Variants in LRP1B observed in about 807,000 individuals in gnomAD.
LRP1B encodes the protein LDL receptor related protein 1B.
Under a neutral mutation model 556.6 loss-of-function variants are expected in LRP1B, and 217 were observed. That is an observed-to-expected ratio of 0.39 (90% CI 0.35 to 0.44). The LOEUF is 0.44. Among genes scored for constraint, LRP1B ranks in the 20% least tolerant of loss-of-function variants. The probability of loss-of-function intolerance (pLI) is 1.00; values close to 1 mark genes in which losing one functional copy is unlikely to be tolerated. For synonymous variants in LRP1B, 2,047 were observed against 1,865.8 expected (o/e 1.10, Z -2.50); for missense variants, 5,053 against 5,620.8 (o/e 0.90, Z 3.23).
chr2:141,490,400 T>TG lies in LRP1B; in HGVS notation c.206-9868_206-9867insC, dbSNP rs66605553. ...GTGTGTGTGTGTGTGTGTGTGTGTGTTTTCTGCTAACTTTAGAATATATCA... is the reference window on the plus strand; with the variant it reads ...GTGTGTGTGTGTGTGTGTGTGTGTGTGTTTCTGCTAACTTTAGAATATATCA... On this transcript the variant is annotated intron_variant, in intron 2 of 90. Coordinates refer to ENST00000389484, the MANE Select transcript of LRP1B (RefSeq NM_018557.3). 2.8e-4 allele frequency among the ~76,000 whole-genome samples: 42 copies of TG among 150,998 alleles called. 1 individual carries two copies. Among genetic ancestry groups the TG allele is most frequent in the South Asian group, 1.7e-3 (8 of 4,786 alleles).
rs539832540 is a variant in LRP1B, at chr2:141,330,473, A to G, written c.344-75832T>C. Among the ~76,000 whole-genome samples, 19 of 152,318 alleles carry G rather than the reference A, an allele frequency of 1.2e-4. No homozygotes were observed. The East Asian group carries it at 2.7e-3, about 22-fold the overall frequency. On this transcript the variant is annotated intron_variant, in intron 3 of 90. Coordinates refer to ENST00000389484, the MANE Select transcript of LRP1B (RefSeq NM_018557.3). The stretch of plus-strand genomic sequence containing the variant: ...AAGGAATTCAACATCAACTTTTAGA[A>G]TAGACATATTGCGTGTTAAAATTTC...
chr2:141,896,947 T>C (rs1699471951), intron 1 of LRP1B, among the ~76,000 whole-genome samples: 1 of 152,158 alleles, frequency 6.6e-6, no homozygotes, highest in Non-Finnish European at 1.5e-5. Flanking sequence ...TTAAATGTCC[T>C]CTATACCCAA....
intron 6 of LRP1B, among the ~76,000 whole-genome samples, chr2:141,211,263 T>C (rs1682532328): frequency 1.3e-5 from 2 of 149,238 alleles, no homozygotes; most frequent in South Asian, 4.3e-4. Flanking sequence ...GCTGGGATTA[T>C]AAGCATGAGA....
At chr2:140,318,387 G>T (rs1483322163) in intron 82 of LRP1B, among the ~76,000 whole-genome samples, 2 of 152,056 alleles carry the variant, frequency 1.3e-5, no homozygotes, top group African/African-American at 4.8e-5. Flanking sequence ...TTTAAGCAGG[G>T]TTGAAAGAGC....
chr2:141,722,862 G>A (rs557247589), intron 2 of LRP1B, among the ~76,000 whole-genome samples: 3 of 151,882 alleles, frequency 2.0e-5, no homozygotes, highest in African/African-American at 7.3e-5. Context: ...TTACATCATG[G>A]GCTTATTCAT....
At chr2:140,489,254 T>C (rs1688601978) in intron 57 of LRP1B, among the ~76,000 whole-genome samples, 1 of 151,988 alleles carries the variant, frequency 6.6e-6, no homozygotes, top group African/African-American at 2.4e-5. Flanking sequence ...GAGGTCCAGA[T>C]TACAAAGACA....
intron 11 of LRP1B, among the ~76,000 whole-genome samples, chr2:141,044,991 T>C (rs10204995): frequency 0.71 from 106,901 of 150,884 alleles, 38,844 homozygotes; most frequent in Non-Finnish European, 0.78. Context: ...TGCAGCATTA[T>C]TCATGATAGC....
intron 15 of LRP1B, among the ~76,000 whole-genome samples, chr2:141,004,283 T>A (rs574694740): frequency 6.6e-6 from 1 of 152,156 alleles, no homozygotes; most frequent in East Asian, 1.9e-4. Context: ...AGATTAACAT[T>A]TGAATTAGTA....
chr2:141,971,667 G>C (rs111908207), intron 1 of LRP1B, among the ~76,000 whole-genome samples: 6 of 151,580 alleles, frequency 4.0e-5, no homozygotes, highest in African/African-American at 1.2e-4. Context: ...ATCAGTGAAA[G>C]ATGTTGATAG....
At chr2:141,226,102 T>C (rs994015743) in intron 6 of LRP1B, among the ~76,000 whole-genome samples, 2 of 127,594 alleles carry the variant, frequency 1.6e-5, no homozygotes, top group Non-Finnish European at 3.3e-5. Flanking sequence ...ATCTAACTGC[T>C]CAGAGTCTCA....
At chr2:142,108,206 CATAA>C (rs1706825872) in intron 1 of LRP1B, among the ~76,000 whole-genome samples, 1 of 151,730 alleles carries the variant, frequency 6.6e-6, no homozygotes, top group South Asian at 2.1e-4. Flanking sequence ...GGGAACTCTC[CATAA>C]ATAATAAAGC....
intron 3 of LRP1B, among the ~76,000 whole-genome samples, chr2:141,381,140 C>A (rs1356851048): frequency 6.6e-6 from 1 of 151,758 alleles, no homozygotes; most frequent in African/African-American, 2.4e-5. Context: ...AAATAATGGT[C>A]ATAAAAATGC....
At chr2:140,824,066 C>A (rs1378288465) in intron 31 of LRP1B, among the ~76,000 whole-genome samples, 2 of 151,396 alleles carry the variant, frequency 1.3e-5, no homozygotes, top group African/African-American at 4.9e-5. Context: ...TGTAACAAAC[C>A]TTCACATGTA....
intron 3 of LRP1B, among the ~76,000 whole-genome samples, chr2:141,307,524 G>A (rs1490516658): frequency 1.3e-5 from 2 of 152,006 alleles, no homozygotes; most frequent in Non-Finnish European, 2.9e-5. Flanking sequence ...TCTCTTATAG[G>A]CAGCATAAAG....
intron 37 of LRP1B, among the ~76,000 whole-genome samples, chr2:140,707,018 G>T (rs1282166671): frequency 6.6e-6 from 1 of 152,042 alleles, no homozygotes; most frequent in African/African-American, 2.4e-5. Context: ...AGTATTAAAT[G>T]TTATCCTTAT....
Position 141,050,942 on chromosome 2 carries a change from A to G in LRP1B, c.1553-1720T>C, listed in dbSNP as rs530107922. On this transcript the variant is annotated intron_variant, in intron 10 of 90. Coordinates refer to ENST00000389484, the MANE Select transcript of LRP1B (RefSeq NM_018557.3). ...AACTTAAACACATTTACAAGAAAAA[A>G]CCAAAAACATCAAAAAGTGGGCAAA... Among the ~76,000 whole-genome samples the G allele has an allele frequency of 2.5e-3, 94 of 37,908 alleles. No individual in the cohort carries two copies. The South Asian group carries it at 0.026, about 11-fold the overall frequency. The allele number at this position is 37,908 out of a possible 152,430, so 24.9% of individuals were successfully genotyped here.
chr2:141,247,410 TC>T, intron 4 of LRP1B, 56 bp from the exon 5 acceptor site: 1 of 1,584,718 alleles, frequency 6.3e-7, no homozygotes, highest in Non-Finnish European at 8.6e-7. Flanking sequence ...CACTTTTTTT[TC>T]TCCTTGAAGA....
At chr2:141,953,773 C>T (rs1483758443) in intron 1 of LRP1B, among the ~76,000 whole-genome samples, 2 of 152,052 alleles carry the variant, frequency 1.3e-5, no homozygotes, top group African/African-American at 4.8e-5. Context: ...ATTCGTTTGG[C>T]TTATATATGC....
intron 32 of LRP1B, among the ~76,000 whole-genome samples, chr2:140,791,933 G>A (rs183668653): frequency 3.3e-5 from 5 of 152,262 alleles, no homozygotes; most frequent in Admixed American, 2.6e-4. Context: ...CTGAAAGTAG[G>A]GCGTAAATTT....
Sources: gnomAD v4.1 joint callset for allele counts (sites outside exome capture counted in the v4.1 genomes callset) on GRCh38, gnomAD v4.1.1 for gene constraint, MANE v1.5 for transcripts, NCBI Gene and HGNC (gene_info 2026-07-23, HGNC 2026-07-21) for gene names.